The following PHACTR3 variants were observed in gnomAD, a reference collection of about 807,000 sequenced individuals.
PHACTR3 encodes protein phosphatase 1, regulatory subunit 123.
In PHACTR3, 16 loss-of-function variants were observed where a neutral mutation model predicts 66.8. That is an observed-to-expected ratio of 0.24 (90% confidence interval 0.16 to 0.36). The LOEUF (loss-of-function observed/expected upper bound fraction) is 0.36, where lower values mean the gene tolerates loss of function less well. Among genes scored for constraint, PHACTR3 ranks in the 10% least tolerant of loss-of-function variants. The probability of loss-of-function intolerance (pLI) is 1.00; values close to 1 mark genes in which losing one functional copy is unlikely to be tolerated. For missense variants in PHACTR3, 647 were observed against 719.9 expected (o/e 0.90, Z 1.16); for synonymous variants, 323 against 292.1 (o/e 1.11, Z -1.08).
intron 1 of PHACTR3, among the ~76,000 whole-genome samples, chr20:59,621,483 T>C (rs970969219): frequency 2.6e-5 from 4 of 152,236 alleles, no homozygotes; most frequent in Non-Finnish European, 5.9e-5. Flanking sequence ...ACATGTAACA[T>C]GCCCCGTTTC....
chr20:59,764,052 G>A (rs774164891), intron 4 of PHACTR3, among the ~76,000 whole-genome samples: 35 of 152,204 alleles, frequency 2.3e-4, no homozygotes, highest in Non-Finnish European at 4.4e-4. Flanking sequence ...ATCTTGTTGG[G>A]ATCCTGAAAA....
At chr20:59,832,269 A>G (rs978266848) in intron 8 of PHACTR3, among the ~76,000 whole-genome samples, 1 of 152,226 alleles carries the variant, frequency 6.6e-6, no homozygotes, top group Non-Finnish European at 1.5e-5. Context: ...TGTCCTTGGC[A>G]TCAGGCTCGT....
At chr20:59,594,799 C>G (rs2033277575) in intron 1 of PHACTR3, among the ~76,000 whole-genome samples, 1 of 152,208 alleles carries the variant, frequency 6.6e-6, no homozygotes, top group African/African-American at 2.4e-5. Context: ...GAGTTATGCT[C>G]TAATTTTTTA....
intron 4 of PHACTR3, among the ~76,000 whole-genome samples, 178 bp downstream of exon 4, chr20:59,755,542 G>A (rs1489584138): frequency 6.6e-6 from 1 of 152,164 alleles, no homozygotes; most frequent in Non-Finnish European, 1.5e-5. Flanking sequence ...GTGTTTGCTG[G>A]GGCACTTTTC....
chr20:59,651,282 C>T (rs6027020), intron 1 of PHACTR3, among the ~76,000 whole-genome samples: 4 of 152,214 alleles, frequency 2.6e-5, no homozygotes, highest in African/African-American at 7.2e-5. Flanking sequence ...TCTAAAGTAG[C>T]GTAACTTTTC....
intron 1 of PHACTR3, among the ~76,000 whole-genome samples, chr20:59,725,689 G>A (rs2038536534): frequency 6.6e-6 from 1 of 152,174 alleles, no homozygotes; most frequent in Non-Finnish European, 1.5e-5. Flanking sequence ...GTAGTATCAG[G>A]CACAGCTGTG....
intron 1 of PHACTR3, among the ~76,000 whole-genome samples, chr20:59,587,753 CGGGGCT>C (rs370655205): frequency 1.3e-5 from 2 of 151,040 alleles, no homozygotes; most frequent in Non-Finnish European, 2.9e-5. Flanking sequence ...GGGCTGGAGC[CGGGGCT>C]GGGGCTGGGG....
At chr20:59,629,548 ACTCTCT>A (rs1045693609) in intron 1 of PHACTR3, among the ~76,000 whole-genome samples, 1 of 151,240 alleles carries the variant, frequency 6.6e-6, no homozygotes, top group African/African-American at 2.4e-5. Context: ...CCGTCCCAGG[ACTCTCT>A]CTGTGGCTGT....
At chr20:59,723,410 T>TGTTTTCAA (rs2038423047) in intron 1 of PHACTR3, among the ~76,000 whole-genome samples, 3 of 152,088 alleles carry the variant, frequency 2.0e-5, no homozygotes, top group Non-Finnish European at 4.4e-5. Flanking sequence ...CCTAACACCG[T>TGTTTTCAA]GTTTTCAAGT....
At chr20:59,645,483 C>T (rs546692708) in intron 1 of PHACTR3, among the ~76,000 whole-genome samples, 4 of 152,178 alleles carry the variant, frequency 2.6e-5, no homozygotes, top group Admixed American at 1.3e-4. Context: ...CGTGTGTGTC[C>T]GCCCCACACT....
chr20:59,716,989 A>G (rs1308879975), intron 1 of PHACTR3, among the ~76,000 whole-genome samples: 1 of 152,228 alleles, frequency 6.6e-6, no homozygotes, highest in East Asian at 1.9e-4. Context: ...GTGTTAGTAA[A>G]ATACATGAAT....
chr20:59,708,111 C>T (rs1416775103), intron 1 of PHACTR3, among the ~76,000 whole-genome samples: 1 of 152,176 alleles, frequency 6.6e-6, no homozygotes, highest in Admixed American at 6.5e-5. Flanking sequence ...ATTTGATTGG[C>T]CAGGCCTACC....
At chr20:59,635,156 T>TC (rs766620618) in intron 1 of PHACTR3, among the ~76,000 whole-genome samples, 715 of 67,126 alleles carry the variant, frequency 0.011, 37 homozygotes, top group African/African-American at 0.027. Flanking sequence ...TCTTTTTCTT[T>TC]CTTTCTTTCT....
intron 1 of PHACTR3, among the ~76,000 whole-genome samples, chr20:59,682,647 G>T (rs772405987): frequency 2.0e-5 from 3 of 152,224 alleles, no homozygotes; most frequent in African/African-American, 7.2e-5. Context: ...GTCAGGATTG[G>T]CATCATTACG....
chr20:59,847,061 T>A, intron 12 of PHACTR3, 54 bp from the exon 13 acceptor site: 1 of 1,331,292 alleles, frequency 7.5e-7, no homozygotes, highest in Non-Finnish European at 1.1e-6. Context: ...TTTGGCTATT[T>A]TAACTGCTAG....
At chr20:59,680,477 C>T (rs144277951) in intron 1 of PHACTR3, among the ~76,000 whole-genome samples, 120 of 152,222 alleles carry the variant, frequency 7.9e-4, no homozygotes, top group East Asian at 3.7e-3. Flanking sequence ...CAACTGCAAC[C>T]GCCTGCGAAC....
At chr20:59,682,040 A>G (rs1332348119) in intron 1 of PHACTR3, among the ~76,000 whole-genome samples, 2 of 151,326 alleles carry the variant, frequency 1.3e-5, no homozygotes, top group African/African-American at 2.4e-5. Flanking sequence ...AAGAAAGAAA[A>G]AAATAATCAG....
At chr20:59,584,809 G>A (rs2032972994) in intron 1 of PHACTR3, among the ~76,000 whole-genome samples, 3 of 152,178 alleles carry the variant, frequency 2.0e-5, no homozygotes, top group Admixed American at 2.0e-4. Flanking sequence ...CGTCTGTGAA[G>A]CCTCTCACCC....
At chr20:59,821,787 C>A (rs1054545319) in intron 8 of PHACTR3, among the ~76,000 whole-genome samples, 9 of 152,054 alleles carry the variant, frequency 5.9e-5, no homozygotes, top group African/African-American at 2.2e-4. Flanking sequence ...GCATGTGGAT[C>A]CCTATGGGCT....
Sources: allele counts gnomAD v4.1 joint callset (sites outside exome capture counted in the v4.1 genomes callset), GRCh38; gene constraint gnomAD v4.1.1; transcripts MANE v1.5; gene names NCBI Gene and HGNC (gene_info 2026-07-23, HGNC 2026-07-21).